The following HIVEP1 variants were observed in gnomAD, a reference collection of about 807,000 sequenced individuals.
HIVEP1 encodes zinc finger protein 40.
A neutral mutation model predicts 180.0 loss-of-function variants in HIVEP1; 36 were observed. The ratio of observed to expected loss-of-function variants is 0.20; its 90% CI spans 0.15 to 0.26. The LOEUF is 0.26. Among genes scored for constraint, HIVEP1 ranks in the 10% least tolerant of loss-of-function variants. The pLI is 1.00. For missense variants in HIVEP1, 3,143 were observed against 3,268.7 expected (o/e 0.96, Z 0.94); for synonymous variants, 1,239 against 1,239.0 (o/e 1.00, Z 0.00).
chr6:12,119,879 GT>G lies in HIVEP1; in HGVS notation c.95-5del. The G allele has an allele frequency of 6.6e-7, 1 of 1,516,290 alleles. No individual in the cohort carries two copies. Among genetic ancestry groups the G allele is most frequent in the Non-Finnish European group, 8.8e-7 (1 of 1,130,490 alleles). 93.9% of individuals were successfully genotyped at this position (1,516,290 alleles called of 1,614,324 possible). A position where few individuals can be genotyped will look rare whatever the true frequency, so the allele number is the denominator to read the frequency against. On this transcript the variant is annotated splice_polypyrimidine_tract_variant and intron_variant, in intron 3 of 8. Coordinates refer to ENST00000379388, the MANE Select transcript of HIVEP1 (RefSeq NM_002114.4). ...TTACCAATTGTTTGTTGTTGTTGTT[GT>G]TTTTTCCAGAAATCTTACAGGCTGG...
At chr6:12,167,655 GTT>G (rs1760750406), downstream of HIVEP1, among the ~76,000 whole-genome samples, 1 of 103,374 alleles carries the variant, frequency 9.7e-6, no homozygotes, top group Non-Finnish European at 2.0e-5. Context: ...ACATATATAT[GTT>G]ATATATACAT....
Sources: gnomAD v4.1 joint callset for allele counts (sites outside exome capture counted in the v4.1 genomes callset) on GRCh38, gnomAD v4.1.1 for gene constraint, MANE v1.5 for transcripts, NCBI Gene and HGNC (gene_info 2026-07-23, HGNC 2026-07-21) for gene names.